The following TNRC6B variants were observed in gnomAD, a reference collection of about 807,000 sequenced individuals.
The protein encoded by TNRC6B is trinucleotide repeat-containing gene 6B protein.
TNRC6B carries 52 observed loss-of-function variants against 203.6 expected under a neutral mutation model. The observed-to-expected ratio is 0.26, with a 90% CI of 0.20 to 0.32. The LOEUF (loss-of-function observed/expected upper bound fraction) is 0.32, where lower values mean the gene tolerates loss of function less well. TNRC6B is among the 10% of genes least tolerant of loss of function. TNRC6B has a pLI of 1.00. For missense variants in TNRC6B, 1,923 were observed against 2,286.2 expected (o/e 0.84, Z 3.24); for synonymous variants, 838 against 845.7 (o/e 0.99, Z 0.16).
intron 1 of TNRC6B, among the ~76,000 whole-genome samples, chr22:40,184,823 A>G (rs1339229728): frequency 6.6e-6 from 1 of 152,086 alleles, no homozygotes; most frequent in Non-Finnish European, 1.5e-5. Context: ...GAATGGTGCC[A>G]CCATTCGTTG....
chr22:40,161,443 A>T (rs1176099572), intron 4 of TNRC6B, among the ~76,000 whole-genome samples: 3 of 152,220 alleles, frequency 2.0e-5, no homozygotes, highest in Non-Finnish European at 4.4e-5. Context: ...GACTAAAATT[A>T]TGTAATTAGC....
chr22:40,212,394 C>T (rs1224338585), intron 1 of TNRC6B, among the ~76,000 whole-genome samples: 1 of 152,236 alleles, frequency 6.6e-6, no homozygotes, highest in Non-Finnish European at 1.5e-5. Context: ...TCATTCTTAG[C>T]CTCTGTACAT....
At chr22:40,258,333 G>T (rs1203964611) in intron 3 of TNRC6B, among the ~76,000 whole-genome samples, 1 of 152,068 alleles carries the variant, frequency 6.6e-6, no homozygotes, top group Non-Finnish European at 1.5e-5. Context: ...GGACCATGAT[G>T]ATGGGTGATG....
chr22:40,249,009 T>C (rs2070147472), intron 2 of TNRC6B, among the ~76,000 whole-genome samples: 1 of 152,216 alleles, frequency 6.6e-6, no homozygotes, highest in Non-Finnish European at 1.5e-5. Context: ...AGCCATAAAA[T>C]GTGCTATGAT....
rs1018975789 is a variant in TNRC6B, at chr22:40,335,128, C to T, written c.*11887C>T. 14 of 145,946 alleles carry T rather than the reference C, an allele frequency of 9.6e-5. No individual in the cohort carries two copies. Among genetic ancestry groups the T allele is most frequent in the African/African-American group, 2.5e-4 (10 of 39,306 alleles). 9.0% of individuals were successfully genotyped at this position (145,946 alleles called of 1,614,324 possible). A position where few individuals can be genotyped will look rare whatever the true frequency, so the allele number is the denominator to read the frequency against. ...GGAAGTAGATAATGGGATTTAAGGACGCCTGGGGGAGAAAAGGGAGGATGT... is the reference window on the plus strand; with the variant it reads ...GGAAGTAGATAATGGGATTTAAGGATGCCTGGGGGAGAAAAGGGAGGATGT... On this transcript the variant is annotated 3_prime_UTR_variant, in exon 23 of 23. Transcript: ENST00000454349.
intron 12 of TNRC6B, 97 bp downstream of exon 12, chr22:40,285,867 TA>T: frequency 6.9e-7 from 1 of 1,441,428 alleles, no homozygotes; most frequent in African/African-American, 1.4e-5. Context: ...AGAATGATAG[TA>T]AGTAGCATAA....
chr22:40,226,966 G>A (rs2069794755), intron 1 of TNRC6B, among the ~76,000 whole-genome samples: 1 of 151,994 alleles, frequency 6.6e-6, no homozygotes, highest in Admixed American at 6.6e-5. Context: ...CTGTAGTGCA[G>A]TGGCACAATC....
intron 1 of TNRC6B, among the ~76,000 whole-genome samples, chr22:40,113,208 A>G (rs1286201036): frequency 2.6e-5 from 4 of 152,246 alleles, no homozygotes; most frequent in Non-Finnish European, 2.9e-5. Context: ...GAATGGACAG[A>G]CAGTATTTTT....
At chr22:40,147,140 A>G (rs2068702461) in intron 3 of TNRC6B, among the ~76,000 whole-genome samples, 1 of 152,264 alleles carries the variant, frequency 6.6e-6, no homozygotes, top group South Asian at 2.1e-4. Context: ...ACTCTGACAC[A>G]TGCTACAACA....
rs576050998 is a variant in TNRC6B at position 40,172,176 on chromosome 22, G to A, written c.113+15994G>A. 7.9e-5 allele frequency among the ~76,000 whole-genome samples: 12 copies of A among 152,228 alleles called. No individual in the cohort carries two copies. The East Asian group carries it at 1.2e-3, about 15-fold the overall frequency. On this transcript the variant is annotated intron_variant, in intron 4 of 23. Transcript: ENST00000301923. The stretch of plus-strand genomic sequence containing the variant: ...ATTACAGGCATGAGCCACCATGCCC[G>A]GCCTAAACATCTGCTTTTCAACTCA...
intron 1 of TNRC6B, among the ~76,000 whole-genome samples, chr22:40,231,348 A>G (rs913769601): frequency 6.6e-6 from 1 of 152,210 alleles, no homozygotes; most frequent in Non-Finnish European, 1.5e-5. Flanking sequence ...GATGATTGAC[A>G]TCTTAATATT....
In TNRC6B at chr22:40,321,103, C is replaced by T; in HGVS notation, c.4988C>T (p.Thr1663Ile). 1 of 1,614,010 alleles carries T rather than the reference C, an allele frequency of 6.2e-7. No homozygotes were observed. The highest frequency in any genetic ancestry group is 8.5e-7 in the Non-Finnish European group (1 of 1,179,896). Residue 1663 changes from threonine (T) to isoleucine (I), a missense_variant, in exon 22 of 23, where the codon ACC (threonine) becomes ATC (isoleucine). This residue lies in a region of TNRC6B where 34 missense variants were observed against 98.5 expected (regional missense o/e 0.35). Transcript: ENST00000454349. The stretch of plus-strand genomic sequence containing the variant: ...ATTACTCCTTAGATTGATGGGTCAA[C>T]CTTGAGAACGATCTGCATGCAGCAT... ...HNLTPQIDGS[T>I]LRTICMQHGP...
chr22:40,181,992 T>C (rs541252059), intron 1 of TNRC6B, among the ~76,000 whole-genome samples: 3 of 149,410 alleles, frequency 2.0e-5, no homozygotes, highest in African/African-American at 7.4e-5. Context: ...ACGCCTGTAA[T>C]CCCAGCACTT....
intron 15 of TNRC6B, among the ~76,000 whole-genome samples, chr22:40,304,553 C>G (rs1169575428): frequency 6.6e-6 from 1 of 152,152 alleles, no homozygotes; most frequent in Non-Finnish European, 1.5e-5. Flanking sequence ...TAACAAGACT[C>G]CTTCTGTTCC....
intron 3 of TNRC6B, among the ~76,000 whole-genome samples, chr22:40,141,417 C>A (rs112875241): frequency 2.6e-5 from 4 of 151,866 alleles, no homozygotes; most frequent in Non-Finnish European, 5.9e-5. Flanking sequence ...AGGCTGGTCT[C>A]GAACTCCTGA....
At chr22:40,141,945 T>C (rs978025379) in intron 3 of TNRC6B, among the ~76,000 whole-genome samples, 7 of 151,680 alleles carry the variant, frequency 4.6e-5, no homozygotes, top group Non-Finnish European at 8.8e-5. Flanking sequence ...TGGCTAATTT[T>C]TTGTATTTTT....
At chr22:40,214,666 T>C (rs995572983) in intron 1 of TNRC6B, among the ~76,000 whole-genome samples, 16 of 152,132 alleles carry the variant, frequency 1.1e-4, no homozygotes, top group Admixed American at 9.2e-4. Flanking sequence ...GATTTTCTGG[T>C]CTCAACCTCT....
intron 3 of TNRC6B, among the ~76,000 whole-genome samples, chr22:40,154,882 T>A (rs866031796): frequency 1.8e-5 from 1 of 56,098 alleles, no homozygotes; most frequent in Non-Finnish European, 3.2e-5. Context: ...TATATATATA[T>A]ATATATATAT....
At chr22:40,149,679 CAAAAA>C (rs58482182) in intron 3 of TNRC6B, among the ~76,000 whole-genome samples, 10 of 84,838 alleles carry the variant, frequency 1.2e-4, no homozygotes, top group Admixed American at 3.0e-4. Flanking sequence ...CCTCCCCCGC[CAAAAA>C]AAAAAAAAAA....
Sources: gnomAD v4.1 joint callset for allele counts (sites outside exome capture counted in the v4.1 genomes callset) on GRCh38, gnomAD v4.1.1 for gene constraint, gnomAD v4.1.1 regional missense constraint, MANE v1.5 for transcripts, NCBI Gene and HGNC (gene_info 2026-07-23, HGNC 2026-07-21) for gene names.